The following ANKS3 variants were observed in gnomAD, a reference collection of about 807,000 sequenced individuals.
ANKS3 encodes ankyrin repeat and SAM domain-containing protein 3.
Under a neutral mutation model 80.7 loss-of-function variants are expected in ANKS3, and 62 were observed. That is an observed-to-expected ratio of 0.77 (90% CI 0.63 to 0.95). ANKS3 has a LOEUF of 0.95. ANKS3 is among the 40% of genes least tolerant of loss of function. The pLI is 0.00. For synonymous variants in ANKS3, 489 were observed against 355.3 expected (o/e 1.38, Z -4.23); for missense variants, 1,150 against 883.6 (o/e 1.30, Z -3.82).
At position 4,711,388 on chromosome 16, in the gene ANKS3, C is replaced by A. The variant is rs185953702; in HGVS notation, c.709+2663G>T. Among the ~76,000 whole-genome samples the A allele has an allele frequency of 7.6e-3, 1,148 of 151,818 alleles. 7 individuals are homozygous for A. Among genetic ancestry groups the A allele is most frequent in the Non-Finnish European group, 0.011 (774 of 67,910 alleles). On this transcript the variant is annotated intron_variant, in intron 7 of 17. Transcript: ENST00000304283. ...AAAGTGCTGAGATTATAGGCATAAG[C>A]CACCGCGCCTGGCCCTGAAACAGAA...
rs769503305 is a variant in ANKS3, at chr16:4,714,036, G to A, written c.709+15C>T. The A allele has an allele frequency of 6.2e-7, 1 of 1,613,750 alleles. No homozygotes were observed. The highest frequency in any genetic ancestry group is 1.1e-5 in the South Asian group (1 of 91,024). On this transcript the variant is annotated intron_variant, in intron 7 of 17. Coordinates refer to ENST00000304283, the MANE Select transcript of ANKS3 (RefSeq NM_133450.4). ...CCAGAGACCCCAGCAGGGCGCGGCT[G>A]GCAGGTGTGGGTACCTGGGCTCCGA...
intron 6 of ANKS3, among the ~76,000 whole-genome samples, chr16:4,720,663 A>C (rs561956143): frequency 6.6e-6 from 1 of 151,538 alleles, no homozygotes; most frequent in East Asian, 1.9e-4. Context: ...ACGGTAGGCC[A>C]GGCGCAGTGG....
chr16:4,719,797 A>T (rs2080992930), intron 6 of ANKS3, among the ~76,000 whole-genome samples: 1 of 151,812 alleles, frequency 6.6e-6, no homozygotes, highest in Non-Finnish European at 1.5e-5. Context: ...GACCCTATAT[A>T]AAAAAAATAA....
At chr16:4,702,575 C>T (rs1161424345) in intron 8 of ANKS3, among the ~76,000 whole-genome samples, 1 of 152,120 alleles carries the variant, frequency 6.6e-6, no homozygotes, top group Non-Finnish European at 1.5e-5. Context: ...TTCCTTTTAG[C>T]AGGAGGTAGC....
intron 8 of ANKS3, among the ~76,000 whole-genome samples, chr16:4,704,087 G>T (rs4785973): frequency 0.16 from 24,043 of 152,138 alleles, 1,972 homozygotes; most frequent in East Asian, 0.27. Flanking sequence ...GACACGGGCG[G>T]GCCCTCATGC....
chr16:4,707,123 G>A (rs1428339957), intron 7 of ANKS3, among the ~76,000 whole-genome samples: 2 of 152,154 alleles, frequency 1.3e-5, no homozygotes, highest in Non-Finnish European at 2.9e-5. Context: ...GCAGCAATAA[G>A]CAAGGGAACG....
chr16:4,703,392 G>C (rs893294002), intron 8 of ANKS3, among the ~76,000 whole-genome samples: 1 of 151,680 alleles, frequency 6.6e-6, no homozygotes, highest in Non-Finnish European at 1.5e-5. Context: ...TGGGATTACA[G>C]GTATAAGCCA....
chr16:4,733,826 AGAG>A, intron 1 of ANKS3, 109 bp downstream of exon 1: 2 of 687,814 alleles, frequency 2.9e-6, no homozygotes, highest in African/African-American at 1.9e-5. Context: ...TCACGCCCAC[AGAG>A]GAGGTCTGTG....
Position 4,701,010 on chromosome 16 carries a change from G to T in ANKS3, c.1244C>A (p.Ser415Tyr), listed in dbSNP as rs556840530. The T allele has an allele frequency of 8.1e-6, 13 of 1,614,040 alleles. No homozygotes were observed. The South Asian group carries it at 1.4e-4, about 18-fold the overall frequency. Residue 415 changes from serine (S) to tyrosine (Y), a missense_variant, in exon 11 of 18, where the codon TCC becomes TAC. Ser to Tyr is a moderately radical substitution (Grantham distance 144). Transcript: ENST00000304283. ...ATDREGFLAE[S>Y]SPQTQRAPYS... is the part of the protein sequence containing the mutation. ...GGGGGCCCTCTGAGTCTGGGGGCTG[G>T]ACTCAGCGAGAAAGCCTTCCCTGTC...
chr16:4,714,972 C>T (rs1010701526), intron 6 of ANKS3, among the ~76,000 whole-genome samples: 35 of 105,122 alleles, frequency 3.3e-4, no homozygotes, highest in Admixed American at 4.5e-4. Flanking sequence ...AGCCTGAAGA[C>T]AGAGTGAGAC....
chr16:4,717,114 C>T (rs1015020985), intron 6 of ANKS3, among the ~76,000 whole-genome samples: 64 of 151,292 alleles, frequency 4.2e-4, no homozygotes, highest in African/African-American at 1.4e-3. Flanking sequence ...TGGTGGCACA[C>T]GTCTGTACTC....
At chr16:4,700,443 G>T (rs756517326) in intron 11 of ANKS3, 1 of 224,940 alleles carries the variant, frequency 4.4e-6, no homozygotes, top group African/African-American at 2.3e-5. Flanking sequence ...TAACCAACCA[G>T]AGCTTCCCTC....
At chr16:4,722,407 T>C (rs757873572) in intron 6 of ANKS3, among the ~76,000 whole-genome samples, 4 of 151,474 alleles carry the variant, frequency 2.6e-5, no homozygotes, top group South Asian at 2.1e-4. Flanking sequence ...GGTGAAACCT[T>C]GTCTCTACTA....
rs1294972878 is a variant in ANKS3, at chr16:4,699,184, G to A, written c.1285-8C>T. ...CAGCAGTGCGGCAAGGTCCTGGCAGGCACAGGGGACAGGTTGGGGGAGGTA... is the reference window on the plus strand; with the variant it reads ...CAGCAGTGCGGCAAGGTCCTGGCAGACACAGGGGACAGGTTGGGGGAGGTA... On this transcript the variant is annotated splice_polypyrimidine_tract_variant and splice_region_variant and intron_variant, in intron 11 of 17. Coordinates refer to ENST00000304283, the MANE Select transcript of ANKS3 (RefSeq NM_133450.4). 1.2e-6 allele frequency: 2 copies of A among 1,613,762 alleles called. No individual in the cohort carries two copies. Among genetic ancestry groups the A allele is most frequent in the Non-Finnish European group, 1.7e-6 (2 of 1,179,916 alleles).
In ANKS3 at chr16:4,724,816, T is replaced by C. The variant is rs923155805; in HGVS notation, c.507A>G (p.Gly169=). The C allele has an allele frequency of 1.2e-6, 2 of 1,613,946 alleles. No individual in the cohort carries two copies. The highest frequency in any genetic ancestry group is 1.7e-6 in the Non-Finnish European group (2 of 1,179,980). The change falls in exon 6 of 18, where the codon GGA becomes GGG. Residue 169 remains glycine, a synonymous_variant. Coordinates refer to ENST00000304283, the MANE Select transcript of ANKS3 (RefSeq NM_133450.4). ...ANANVREPIC[G]FTPLMEAAAA... ...CAGCTGCTTCCATCAAGGGAGTAAA[T>C]CCACATATCGGCTCCCTGCAAGATG... is the stretch of plus-strand genomic sequence containing the variant.
chr16:4,702,431 C>T (rs1483309809), intron 8 of ANKS3, among the ~76,000 whole-genome samples, 189 bp from the exon 9 acceptor site: 2 of 152,224 alleles, frequency 1.3e-5, no homozygotes, highest in African/African-American at 4.8e-5. Context: ...GTGGCCCAAG[C>T]AAGTGCCTGG....
intron 6 of ANKS3, among the ~76,000 whole-genome samples, chr16:4,721,264 C>T (rs533485299): frequency 1.4e-5 from 2 of 147,148 alleles, no homozygotes; most frequent in East Asian, 4.0e-4. Context: ...GAGATCGTGC[C>T]ACTGCACTCT....
At chr16:4,705,380 G>A (rs1048728146) in intron 7 of ANKS3, 127 bp from the exon 8 acceptor site, 2 of 1,174,306 alleles carry the variant, frequency 1.7e-6, no homozygotes, top group Non-Finnish European at 2.4e-6. Flanking sequence ...TATCTGCCAG[G>A]GCATCACTTC....
At chr16:4,708,525 A>C (rs181956242) in intron 7 of ANKS3, among the ~76,000 whole-genome samples, 1 of 152,332 alleles carries the variant, frequency 6.6e-6, no homozygotes, top group African/African-American at 2.4e-5. Flanking sequence ...TAAGCCAAAT[A>C]AAAATAAAAG....
Sources: gnomAD v4.1 joint callset for allele counts (sites outside exome capture counted in the v4.1 genomes callset) on GRCh38, gnomAD v4.1.1 for gene constraint, MANE v1.5 for transcripts, NCBI Gene and HGNC (gene_info 2026-07-23, HGNC 2026-07-21) for gene names.